RNF141: variants seen among roughly 807,000 people sequenced by gnomAD.
The protein encoded by RNF141 is C3HC4-like zinc finger protein.
Under a neutral mutation model 27.4 loss-of-function variants are expected in RNF141, and 18 were observed. The observed-to-expected ratio is 0.66, with a 90% CI of 0.45 to 0.97. The LOEUF is 0.97. Among genes scored for constraint, RNF141 ranks in the 50% least tolerant of loss-of-function variants. RNF141 has a pLI of 0.00. For synonymous variants in RNF141, 97 were observed against 96.6 expected (o/e 1.00, Z -0.02); for missense variants, 230 against 279.4 (o/e 0.82, Z 1.26).
Position 10,511,962 on chromosome 11 carries a change from T to C in RNF141, c.*2954A>G, listed in dbSNP as rs751775158. On this transcript the variant is annotated 3_prime_UTR_variant, in exon 6 of 6. Transcript: ENST00000265981. ...TTGCGAAAGATTATTTATTGCACAA[T>C]TTATCAGTGGGTACTAAGAATAACA... 3 of 152,684 alleles carry C rather than the reference T, an allele frequency of 2.0e-5. No individual in the cohort carries two copies. The highest frequency in any genetic ancestry group is 2.9e-5 in the Non-Finnish European group (2 of 68,050). 9.5% of individuals were successfully genotyped at this position (152,684 alleles called of 1,614,324 possible).
At chr11:10,530,598 C>T (rs779046078) in intron 3 of RNF141, 45 bp downstream of exon 3, 3 of 1,120,520 alleles carry the variant, frequency 2.7e-6, no homozygotes, top group East Asian at 2.5e-5. Flanking sequence ...GTTCTAGCCA[C>T]CAAAATAGCT....
rs1442886338 is a variant in RNF141, at chr11:10,513,131, C to T, written c.*1785G>A. ...ATTGCCAGGTTGATATGATGGAACC[C>T]CTGGTACTCTGCTTGCATAAACCTC... is the stretch of plus-strand genomic sequence containing the variant. On this transcript the variant is annotated 3_prime_UTR_variant, in exon 6 of 6. Transcript: ENST00000265981. 6.6e-6 allele frequency: 1 copy of T among 152,116 alleles called. No homozygotes were observed. The highest frequency in any genetic ancestry group is 1.5e-5 in the Non-Finnish European group (1 of 68,018). 9.4% of individuals were successfully genotyped at this position (152,116 alleles called of 1,614,324 possible).
intron 1 of RNF141, among the ~76,000 whole-genome samples, chr11:10,538,908 T>C (rs935619396): frequency 9.2e-5 from 14 of 152,214 alleles, no homozygotes; most frequent in Non-Finnish European, 2.1e-4. Flanking sequence ...AGAAACATAA[T>C]TTGCAAACCA....
intron 2 of RNF141, chr11:10,532,112 C>A: frequency 3.0e-6 from 1 of 330,688 alleles, no homozygotes. Context: ...TATCTTTATG[C>A]TAAAGGGCAA....
chr11:10,534,151 T>C lies in RNF141; in HGVS notation c.8A>G (p.Gln3Arg). 6.2e-7 allele frequency: 1 copy of C among 1,612,498 alleles called. No homozygotes were observed. Among genetic ancestry groups the C allele is most frequent in the South Asian group, 1.1e-5 (1 of 90,774 alleles). Residue 3 changes from glutamine to arginine, a missense_variant, in exon 2 of 6, where the codon CAG becomes CGG. Transcript: ENST00000265981. ...CAACTGTGTCTGATCCGAAATTTGC[T>C]GTCCCATGATGAAAAGATGTCTTTC... MG[Q>R]QISDQTQLVI...
chr11:10,536,324 A>G (rs7112744), intron 1 of RNF141, among the ~76,000 whole-genome samples: 1 of 152,104 alleles, frequency 6.6e-6, no homozygotes. Flanking sequence ...GTAATTTTTA[A>G]AAAGGCCACA....
rs944381252 is a variant in RNF141, at chr11:10,512,782, C to T, written c.*2134G>A. ...AATTAAAAAATTTTTTTAAAAAAAACGACTCCCACTATATGTGTGTTACTC... is the reference window on the plus strand; with the variant it reads ...AATTAAAAAATTTTTTTAAAAAAAATGACTCCCACTATATGTGTGTTACTC... On this transcript the variant is annotated 3_prime_UTR_variant, in exon 6 of 6. Transcript: ENST00000265981. 2 of 151,946 alleles carry T rather than the reference C, an allele frequency of 1.3e-5. No homozygotes were observed. The highest frequency in any genetic ancestry group is 4.8e-5 in the African/African-American group (2 of 41,382). The allele number at this position is 151,946 out of a possible 1,614,324, so 9.4% of individuals were successfully genotyped here. A position where few individuals can be genotyped will look rare whatever the true frequency, so the allele number is the denominator to read the frequency against.
At chr11:10,523,559 A>C (rs1224992134) in intron 4 of RNF141, among the ~76,000 whole-genome samples, 1 of 152,228 alleles carries the variant, frequency 6.6e-6, no homozygotes, top group Admixed American at 6.5e-5. Flanking sequence ...AATATCCCTT[A>C]AGACCTCCTT....
At chr11:10,523,994 A>G (rs991411116) in intron 4 of RNF141, among the ~76,000 whole-genome samples, 5 of 152,232 alleles carry the variant, frequency 3.3e-5, no homozygotes, top group African/African-American at 7.2e-5. Context: ...TAGAAAACCA[A>G]GTAATTCTAT....
At chr11:10,539,248 T>C (rs1366341851) in intron 1 of RNF141, among the ~76,000 whole-genome samples, 1 of 152,082 alleles carries the variant, frequency 6.6e-6, no homozygotes, top group Non-Finnish European at 1.5e-5. Flanking sequence ...AAAAAACTGC[T>C]CAAAAACTCC....
rs1849805085 is a variant in RNF141, at chr11:10,512,087, AG to A, written c.*2828del. ...AATCGGAGTAAACCCTCTGTTACTGAGTTAGGATAGGGAAAACAAATTCCTT... is the reference window on the plus strand; with the variant it reads ...AATCGGAGTAAACCCTCTGTTACTGATTAGGATAGGGAAAACAAATTCCTT... On this transcript the variant is annotated 3_prime_UTR_variant, in exon 6 of 6. Transcript: ENST00000265981. 7 of 152,648 alleles carry A rather than the reference AG, an allele frequency of 4.6e-5. No homozygotes were observed. Among genetic ancestry groups the A allele is most frequent in the Admixed American group, 6.5e-5 (1 of 15,276 alleles). 9.5% of individuals were successfully genotyped at this position (152,648 alleles called of 1,614,324 possible). A position where few individuals can be genotyped will look rare whatever the true frequency, so the allele number is the denominator to read the frequency against.
chr11:10,535,856 G>A (rs754526192), intron 1 of RNF141, among the ~76,000 whole-genome samples: 5 of 152,082 alleles, frequency 3.3e-5, no homozygotes, highest in African/African-American at 9.7e-5. Context: ...TTTCTTGATC[G>A]AATCCAAACT....
At chr11:10,525,155 G>C (rs1285757380) in intron 4 of RNF141, 37 bp downstream of exon 4, 2 of 1,413,310 alleles carry the variant, frequency 1.4e-6, no homozygotes, top group Non-Finnish European at 1.9e-6. Context: ...TTTCATATTA[G>C]AAAATAAGTG....
intron 3 of RNF141, 46 bp from the exon 4 acceptor site, chr11:10,525,419 G>A: frequency 1.4e-6 from 2 of 1,453,814 alleles, no homozygotes; most frequent in Non-Finnish European, 1.9e-6. Flanking sequence ...TCATTTCTCT[G>A]ACCAATTTTT....
intron 5 of RNF141, 66 bp from the exon 6 acceptor site, chr11:10,515,132 G>T (rs1849833562): frequency 6.7e-7 from 1 of 1,502,686 alleles, no homozygotes; most frequent in African/African-American, 1.4e-5. Flanking sequence ...TTTATTTAAA[G>T]TAATACATGC....
intron 1 of RNF141, among the ~76,000 whole-genome samples, chr11:10,534,607 C>T (rs913225618): frequency 1.4e-4 from 22 of 152,192 alleles, no homozygotes; most frequent in East Asian, 3.9e-4. Context: ...AACTGTTTTC[C>T]GTATATTATG....
At chr11:10,537,595 A>C (rs1850049418) in intron 1 of RNF141, among the ~76,000 whole-genome samples, 1 of 152,214 alleles carries the variant, frequency 6.6e-6, no homozygotes, top group Non-Finnish European at 1.5e-5. Flanking sequence ...AGACAGATTA[A>C]CAGGAGAAAA....
chr11:10,525,054 A>C, intron 4 of RNF141, 138 bp downstream of exon 4: 1 of 600,422 alleles, frequency 1.7e-6, no homozygotes. Context: ...TAACCCCAAA[A>C]CTGATCTCAG....
chr11:10,526,983 AATAG>A (rs1849941782), intron 3 of RNF141, among the ~76,000 whole-genome samples: 1 of 152,228 alleles, frequency 6.6e-6, no homozygotes, highest in Admixed American at 6.5e-5. Flanking sequence ...AGGCTTACAA[AATAG>A]ATCTTCAGAG....
Sources: allele counts gnomAD v4.1 joint callset (sites outside exome capture counted in the v4.1 genomes callset), GRCh38; gene constraint gnomAD v4.1.1; transcripts MANE v1.5; gene names NCBI Gene and HGNC (gene_info 2026-07-23, HGNC 2026-07-21).